ARHGAP10: variants seen among roughly 807,000 people sequenced by gnomAD.
ARHGAP10 encodes Rho GTPase activating protein 10, also known as rho GTPase-activating protein 10.
In ARHGAP10, 87 loss-of-function variants were observed where a neutral mutation model predicts 108.6. The observed-to-expected ratio is 0.80, with a 90% CI of 0.67 to 0.96. ARHGAP10 has a LOEUF of 0.96. Ranked by LOEUF, ARHGAP10 falls within the 40% of genes least tolerant of loss-of-function variation. The pLI is 0.00. For missense variants in ARHGAP10, 939 were observed against 954.5 expected, an observed-to-expected ratio of 0.98 and a Z score of 0.21; for synonymous variants, 347 against 341.1, an observed-to-expected ratio of 1.02 and a Z score of -0.19.
intron 20 of ARHGAP10, among the ~76,000 whole-genome samples, chr4:148,058,494 G>C (rs1423448053): frequency 3.9e-5 from 6 of 152,174 alleles, no homozygotes; most frequent in Admixed American, 2.6e-4. Context: ...CCCAAAGCCT[G>C]ACCTGTGTAT....
intron 20 of ARHGAP10, among the ~76,000 whole-genome samples, chr4:148,050,697 T>C (rs1399514795): frequency 6.6e-6 from 1 of 152,184 alleles, no homozygotes; most frequent in African/African-American, 2.4e-5. Flanking sequence ...CTTATAAAGA[T>C]TACAAACTCT....
At chr4:147,885,080 G>A (rs559171707) in intron 10 of ARHGAP10, among the ~76,000 whole-genome samples, 316 of 152,122 alleles carry the variant, frequency 2.1e-3, no homozygotes, top group Admixed American at 3.3e-3. Flanking sequence ...GAGGGTGAAG[G>A]AGTGGGGAAG....
chr4:147,913,676 A>T (rs1736845040), intron 13 of ARHGAP10, among the ~76,000 whole-genome samples: 1 of 152,170 alleles, frequency 6.6e-6, no homozygotes, highest in African/African-American at 2.4e-5. Context: ...CCATCTCTAA[A>T]TACAGTCACA....
At chr4:147,854,758 C>T (rs1053000501) in intron 4 of ARHGAP10, 8 of 984,012 alleles carry the variant, frequency 8.1e-6, no homozygotes, top group African/African-American at 3.5e-5. Context: ...TAATTACCTG[C>T]GTTTTAAGAT....
At chr4:147,733,560 A>G (rs1230107367) in intron 1 of ARHGAP10, among the ~76,000 whole-genome samples, 1 of 152,112 alleles carries the variant, frequency 6.6e-6, no homozygotes, top group Non-Finnish European at 1.5e-5. Flanking sequence ...CGTCCCTTGT[A>G]CATTTGTTTG....
intron 9 of ARHGAP10, 81 bp from the exon 10 acceptor site, chr4:147,881,757 C>G: frequency 8.0e-7 from 1 of 1,255,244 alleles, no homozygotes; most frequent in Non-Finnish European, 1.1e-6. Flanking sequence ...ACCTTGCTCC[C>G]CTGCTCTCCA....
intron 19 of ARHGAP10, among the ~76,000 whole-genome samples, chr4:148,043,778 A>ATATATG (rs1460065713): frequency 1.7e-4 from 25 of 144,624 alleles, no homozygotes; most frequent in African/African-American, 5.8e-4. Context: ...ATATATATGT[A>ATATATG]TATATATATG....
chr4:147,821,973 G>A (rs181421595), intron 1 of ARHGAP10, among the ~76,000 whole-genome samples: 1 of 152,296 alleles, frequency 6.6e-6, no homozygotes, highest in East Asian at 1.9e-4. Flanking sequence ...TGGCTTCTTT[G>A]TTTGTAAAAT....
intron 1 of ARHGAP10, among the ~76,000 whole-genome samples, chr4:147,781,926 C>T (rs918996412): frequency 6.6e-6 from 1 of 152,072 alleles, no homozygotes; most frequent in South Asian, 2.1e-4. Context: ...TATTTTAAAT[C>T]TGAGTTTCCA....
chr4:147,913,237 A>C, intron 13 of ARHGAP10, 98 bp downstream of exon 13: 1 of 1,042,204 alleles, frequency 9.6e-7, no homozygotes, highest in South Asian at 1.4e-5. Flanking sequence ...TACAGAATGA[A>C]ACGTGTTAAC....
chr4:147,754,999 T>A (rs907652165), intron 1 of ARHGAP10, among the ~76,000 whole-genome samples: 1 of 151,906 alleles, frequency 6.6e-6, no homozygotes, highest in African/African-American at 2.4e-5. Context: ...GGAGAATTGC[T>A]TGAACCCAGG....
intron 1 of ARHGAP10, among the ~76,000 whole-genome samples, chr4:147,738,323 G>A (rs550294769): frequency 9.2e-5 from 14 of 152,166 alleles, no homozygotes; most frequent in Admixed American, 7.2e-4. Flanking sequence ...AGGCCGAGGC[G>A]GGCGGATCAC....
chr4:147,852,655 G>A (rs919894404), intron 4 of ARHGAP10, among the ~76,000 whole-genome samples: 6 of 149,168 alleles, frequency 4.0e-5, no homozygotes, highest in African/African-American at 9.9e-5. Context: ...GCCGATTGAC[G>A]TAAACAAAAG....
chr4:147,798,826 A>AC lies in ARHGAP10; in HGVS notation c.155-23894dup, dbSNP rs200108416. 2.6e-4 allele frequency among the ~76,000 whole-genome samples: 31 copies of AC among 118,796 alleles called. No individual in the cohort carries two copies. The East Asian group carries it at 4.9e-3, about 19-fold the overall frequency. The allele number at this position is 118,796 out of a possible 152,430, so 77.9% of individuals were successfully genotyped here. On this transcript the variant is annotated intron_variant, in intron 1 of 22. Transcript: ENST00000336498. ...ATATATATATATATATAGACTTTTT[A>AC]CCCCCCCACGCTTGAAAAATGTGCT...
At chr4:147,911,260 A>G (rs1736717807) in intron 12 of ARHGAP10, among the ~76,000 whole-genome samples, 3 of 152,166 alleles carry the variant, frequency 2.0e-5, no homozygotes, top group South Asian at 4.1e-4. Context: ...TATGAAGTTT[A>G]TATTCATGGA....
chr4:147,807,592 TAGAG>T, intron 1 of ARHGAP10, among the ~76,000 whole-genome samples: 1 of 151,570 alleles, frequency 6.6e-6, no homozygotes, highest in South Asian at 2.1e-4. Context: ...TACCTAAAAA[TAGAG>T]AGTTCAAAAG....
At chr4:148,041,376 T>G (rs1728626710) in intron 19 of ARHGAP10, among the ~76,000 whole-genome samples, 1 of 152,194 alleles carries the variant, frequency 6.6e-6, no homozygotes, top group African/African-American at 2.4e-5. Flanking sequence ...AGGAAATATA[T>G]TTGAAAGGAG....
intron 3 of ARHGAP10, among the ~76,000 whole-genome samples, chr4:147,835,792 A>T (rs4835462): frequency 0.91 from 138,732 of 152,084 alleles, 64,589 homozygotes; most frequent in East Asian, 1. Flanking sequence ...TATGTAAAAC[A>T]AAAAAAAAAT....
chr4:147,882,947 T>G (rs1211478996), intron 10 of ARHGAP10, among the ~76,000 whole-genome samples: 1 of 152,214 alleles, frequency 6.6e-6, no homozygotes, highest in African/African-American at 2.4e-5. Context: ...CTGTTCTATG[T>G]TTGTATAATA....
Sources: gnomAD v4.1 joint callset for allele counts (sites outside exome capture counted in the v4.1 genomes callset) on GRCh38, gnomAD v4.1.1 for gene constraint, MANE v1.5 for transcripts, NCBI Gene and HGNC (gene_info 2026-07-23, HGNC 2026-07-21) for gene names.